Variants in ANO3 observed in about 807,000 individuals in gnomAD.
ANO3 encodes anoctamin-3.
In ANO3, 99 loss-of-function variants were observed where a neutral mutation model predicts 144.8. The observed-to-expected ratio is 0.68, with a 90% confidence interval of 0.58 to 0.81. The LOEUF is 0.81. ANO3 is among the 30% of genes least tolerant of loss of function. ANO3 has a pLI of 0.00. For missense variants in ANO3, 905 were observed against 1,202.2 expected (o/e 0.75, Z 3.66); for synonymous variants, 414 against 392.6 (o/e 1.05, Z -0.64).
chr11:26,328,140 T>C (rs1272093949), upstream of ANO3, among the ~76,000 whole-genome samples: 1 of 152,190 alleles, frequency 6.6e-6, no homozygotes, highest in East Asian at 1.9e-4. Context: ...TGACTTTATC[T>C]TAGACACACC....
intron 3 of ANO3, among the ~76,000 whole-genome samples, chr11:26,452,918 C>G (rs1283220864): frequency 1.3e-5 from 2 of 152,118 alleles, no homozygotes; most frequent in Non-Finnish European, 2.9e-5. Context: ...GAGTGGGGCC[C>G]AATATTCAAC....
chr11:26,402,352 T>C (rs367738502), intron 1 of ANO3, among the ~76,000 whole-genome samples: 17 of 152,202 alleles, frequency 1.1e-4, no homozygotes, highest in African/African-American at 3.9e-4. Flanking sequence ...TGAGATGTTA[T>C]CTCATTGTGG....
At chr11:26,450,189 C>T (rs1401435824) in intron 3 of ANO3, among the ~76,000 whole-genome samples, 1 of 152,132 alleles carries the variant, frequency 6.6e-6, no homozygotes, top group Non-Finnish European at 1.5e-5. Flanking sequence ...TTATGTTTGC[C>T]TTACTCATAT....
intron 1 of ANO3, among the ~76,000 whole-genome samples, chr11:26,362,626 A>T (rs1855957794): frequency 6.6e-6 from 1 of 152,188 alleles, no homozygotes; most frequent in East Asian, 1.9e-4. Context: ...TTATCAGTTC[A>T]TCTTCTAAAT....
intron 14 of ANO3, among the ~76,000 whole-genome samples, chr11:26,594,294 T>A (rs1851543215): frequency 6.6e-6 from 1 of 152,338 alleles, no homozygotes; most frequent in African/African-American, 2.4e-5. Context: ...AATCATTCTC[T>A]TTCCTCTGTT....
intron 1 of ANO3, among the ~76,000 whole-genome samples, chr11:26,302,385 C>G (rs1002662806): frequency 2.0e-5 from 3 of 152,078 alleles, no homozygotes; most frequent in Non-Finnish European, 4.4e-5. Context: ...ATGCCAGTTA[C>G]TCAGGAGGCT....
At chr11:26,306,463 C>A (rs1048251084), upstream of ANO3, among the ~76,000 whole-genome samples, 7 of 152,120 alleles carry the variant, frequency 4.6e-5, no homozygotes, top group South Asian at 8.3e-4. Flanking sequence ...CTTTGGGAGG[C>A]TGACCAGCCT....
At chr11:26,272,382 G>A (rs569178650) in intron 1 of ANO3, among the ~76,000 whole-genome samples, 1 of 152,288 alleles carries the variant, frequency 6.6e-6, no homozygotes, top group East Asian at 1.9e-4. Flanking sequence ...AAGGAAATTT[G>A]TGAATTTGTC....
At chr11:26,214,958 T>C (rs144675942) in intron 1 of ANO3, among the ~76,000 whole-genome samples, 1 of 152,048 alleles carries the variant, frequency 6.6e-6, no homozygotes, top group Non-Finnish European at 1.5e-5. Flanking sequence ...ATATTTGTTT[T>C]ATACCCATTT....
At chr11:26,521,767 G>A (rs928209869) in intron 6 of ANO3, among the ~76,000 whole-genome samples, 1 of 152,146 alleles carries the variant, frequency 6.6e-6, no homozygotes, top group African/African-American at 2.4e-5. Context: ...CACATTTTAA[G>A]ACAATTCAGT....
intron 3 of ANO3, among the ~76,000 whole-genome samples, chr11:26,461,210 C>A (rs908829039): frequency 2.0e-5 from 3 of 152,102 alleles, no homozygotes; most frequent in Non-Finnish European, 4.4e-5. Context: ...CTATGCCTTA[C>A]AAACTGGCAG....
chr11:26,396,434 C>A (rs1334424067), intron 1 of ANO3, among the ~76,000 whole-genome samples: 1 of 152,102 alleles, frequency 6.6e-6, no homozygotes, highest in African/African-American at 2.4e-5. Flanking sequence ...CCCAGCAGTC[C>A]CATTACTGGG....
At chr11:26,655,511 A>G (rs942205913) in intron 24 of ANO3, among the ~76,000 whole-genome samples, 3 of 152,136 alleles carry the variant, frequency 2.0e-5, no homozygotes, top group Non-Finnish European at 4.4e-5. Flanking sequence ...ATCTGGAAGA[A>G]TTACTTCATT....
chr11:26,566,922 T>G, intron 14 of ANO3: 1 of 793,550 alleles, frequency 1.3e-6, no homozygotes, highest in Admixed American at 4.1e-5. Flanking sequence ...GTAGCAGCAC[T>G]CTAAACAAGA....
At chr11:26,312,703 T>C (rs762128212) in intron 1 of ANO3, among the ~76,000 whole-genome samples, 1 of 152,212 alleles carries the variant, frequency 6.6e-6, no homozygotes, top group Non-Finnish European at 1.5e-5. Context: ...AATTTTCTTG[T>C]AAATTTGTTT....
At chr11:26,657,913 G>A (rs1344318472) in intron 26 of ANO3, among the ~76,000 whole-genome samples, 1 of 151,518 alleles carries the variant, frequency 6.6e-6, no homozygotes, top group Non-Finnish European at 1.5e-5. Context: ...CATTCTATCA[G>A]TTGTCTATTC....
chr11:26,362,755 A>AT (rs919889962), intron 1 of ANO3, among the ~76,000 whole-genome samples: 2 of 152,112 alleles, frequency 1.3e-5, no homozygotes, highest in Non-Finnish European at 2.9e-5. Flanking sequence ...GTTAGTTGCT[A>AT]TTTTTTTAAT....
At chr11:26,454,781 T>C (rs1211800529) in intron 3 of ANO3, among the ~76,000 whole-genome samples, 2 of 152,050 alleles carry the variant, frequency 1.3e-5, no homozygotes, top group East Asian at 1.9e-4. Flanking sequence ...AAAAGAGAAT[T>C]TTAGACCAAT....
intron 4 of ANO3, among the ~76,000 whole-genome samples, chr11:26,504,456 A>G (rs989801904): frequency 7.2e-5 from 11 of 152,224 alleles, no homozygotes; most frequent in Non-Finnish European, 1.5e-4. Context: ...AAGTTAAAAA[A>G]TTTCTTACCT....
Sources: allele counts gnomAD v4.1 joint callset (sites outside exome capture counted in the v4.1 genomes callset), GRCh38; gene constraint gnomAD v4.1.1; transcripts MANE v1.5; gene names NCBI Gene and HGNC (gene_info 2026-07-23, HGNC 2026-07-21).